MTX2: variants seen among roughly 807,000 people sequenced by gnomAD.
MTX2 encodes the protein metaxin 2, also known as metaxin-2.
A neutral mutation model predicts 42.3 loss-of-function variants in MTX2; 35 were observed. That is an observed-to-expected ratio of 0.83 (90% CI 0.63 to 1.10). The LOEUF is 1.10. MTX2 is among the 50% of genes least tolerant of loss of function. The probability of loss-of-function intolerance (pLI) is 0.00; values close to 1 mark genes in which losing one functional copy is unlikely to be tolerated. For synonymous variants in MTX2, 119 were observed against 100.9 expected, an observed-to-expected ratio of 1.18 and a Z score of -1.08; for missense variants, 307 against 304.1, an observed-to-expected ratio of 1.01 and a Z score of -0.07.
intron 1 of MTX2, among the ~76,000 whole-genome samples, chr2:176,282,126 G>GGTTTTTTT (rs1693091139): frequency 3.8e-5 from 1 of 26,426 alleles, no homozygotes; most frequent in South Asian, 1.6e-3. Context: ...AGTTACAGTA[G>GGTTTTTTT]TTTTTTTTTT....
In MTX2 at chr2:176,296,130, T is replaced by G. The variant is rs1026963736; in HGVS notation, c.41-730T>G. Among the ~76,000 whole-genome samples the G allele has an allele frequency of 4.6e-5, 7 of 152,182 alleles. No homozygotes were observed. The East Asian group carries it at 1.3e-3, about 29-fold the overall frequency. ...ACTGGGAGGTTGGTAATATTCTCTTTGTAGCTGCAGTCTTCTCTGGATGAG... is the reference window on the plus strand; with the variant it reads ...ACTGGGAGGTTGGTAATATTCTCTTGGTAGCTGCAGTCTTCTCTGGATGAG... On this transcript the variant is annotated intron_variant, in intron 1 of 9. Coordinates refer to ENST00000249442, the MANE Select transcript of MTX2 (RefSeq NM_006554.5).
chr2:176,328,176 AT>A, intron 5 of MTX2, 116 bp from the exon 6 acceptor site: 1 of 509,744 alleles, frequency 2.0e-6, no homozygotes. Context: ...TTTAGGGGGC[AT>A]TTTGGACGTT....
At chr2:176,337,168 T>C (rs1056996390) in intron 9 of MTX2, among the ~76,000 whole-genome samples, 1 of 151,898 alleles carries the variant, frequency 6.6e-6, no homozygotes, top group Non-Finnish European at 1.5e-5. Context: ...CAGCCTCCCG[T>C]GTAGCTAGGA....
chr2:176,317,292 A>G (rs1372531030), intron 3 of MTX2, among the ~76,000 whole-genome samples: 1 of 151,648 alleles, frequency 6.6e-6, no homozygotes, highest in Non-Finnish European at 1.5e-5. Flanking sequence ...TAAGATAGTG[A>G]TACTTGTACA....
At chr2:176,310,712 G>A (rs990067613) in intron 3 of MTX2, among the ~76,000 whole-genome samples, 13 of 152,002 alleles carry the variant, frequency 8.6e-5, no homozygotes, top group South Asian at 2.1e-4. Flanking sequence ...TTGTGCATGC[G>A]TCACGAAGTT....
At chr2:176,317,265 G>A (rs1684471058) in intron 3 of MTX2, among the ~76,000 whole-genome samples, 4 of 150,634 alleles carry the variant, frequency 2.7e-5, no homozygotes, top group Admixed American at 2.0e-4. Context: ...CCTGATCTCT[G>A]TTCTTTTTTC....
chr2:176,298,346 A>G (rs1683941064), intron 3 of MTX2, among the ~76,000 whole-genome samples: 1 of 152,056 alleles, frequency 6.6e-6, no homozygotes, highest in African/African-American at 2.4e-5. Flanking sequence ...GTAATCCTGT[A>G]GCAATGTTCT....
chr2:176,289,361 T>TA (rs918735344), intron 1 of MTX2, among the ~76,000 whole-genome samples: 19 of 151,864 alleles, frequency 1.3e-4, no homozygotes, highest in African/African-American at 3.6e-4. Flanking sequence ...TTCATTTGCA[T>TA]AAAAAAAACT....
intron 9 of MTX2, among the ~76,000 whole-genome samples, chr2:176,331,164 A>G (rs1449248890): frequency 6.6e-6 from 1 of 151,244 alleles, no homozygotes; most frequent in South Asian, 2.1e-4. Flanking sequence ...ACAGAAATTA[A>G]TATAAAGGAT....
chr2:176,327,560 AAT>A (rs550059324), intron 5 of MTX2, among the ~76,000 whole-genome samples: 2 of 144,354 alleles, frequency 1.4e-5, no homozygotes, highest in Non-Finnish European at 1.5e-5. Context: ...ATATCTCCAA[AAT>A]ATATATATAT....
At chr2:176,295,398 A>T (rs564525302) in intron 1 of MTX2, among the ~76,000 whole-genome samples, 1 of 152,204 alleles carries the variant, frequency 6.6e-6, no homozygotes, top group African/African-American at 2.4e-5. Context: ...GTTTCCTTTT[A>T]TTTAAAAAAC....
rs1347982287 is a variant in MTX2, at chr2:176,297,784, C to A, written c.89-65C>A. Reference sequence around the variant, plus strand: ...CGATACCTTTGAATAAATAGAAATACTTTTTAAAAATAAAAATACTATATT... The same window carrying A: ...CGATACCTTTGAATAAATAGAAATAATTTTTAAAAATAAAAATACTATATT... On this transcript the variant is annotated intron_variant, in intron 2 of 9. Coordinates refer to ENST00000249442, the MANE Select transcript of MTX2 (RefSeq NM_006554.5). 8.9e-6 allele frequency: 10 copies of A among 1,122,756 alleles called. No individual in the cohort carries two copies. In the African/African-American group the frequency reaches 1.1e-4, roughly 13 times the overall value. The allele number at this position is 1,122,756 out of a possible 1,614,324, so 69.5% of individuals were successfully genotyped here.
chr2:176,295,422 A>G (rs1683837193), intron 1 of MTX2, among the ~76,000 whole-genome samples: 1 of 152,136 alleles, frequency 6.6e-6, no homozygotes, highest in Admixed American at 6.6e-5. Context: ...TATACAAGTT[A>G]ATTGGGTTCT....
intron 3 of MTX2, among the ~76,000 whole-genome samples, chr2:176,302,476 G>A (rs778535183): frequency 4.0e-5 from 6 of 151,842 alleles, no homozygotes; most frequent in Non-Finnish European, 8.8e-5. Flanking sequence ...TAGCTCTGTC[G>A]CCCAGGCTGG....
At chr2:176,297,810 C>G in intron 2 of MTX2, 39 bp from the exon 3 acceptor site, 1 of 1,397,056 alleles carries the variant, frequency 7.2e-7, no homozygotes, top group Non-Finnish European at 9.8e-7. Context: ...ATACTATATT[C>G]TACTTGGTTA....
chr2:176,269,573 G>T lies in MTX2; in HGVS notation c.-57G>T. 3 of 1,534,454 alleles carry T rather than the reference G, an allele frequency of 2.0e-6. No individual in the cohort carries two copies. Among genetic ancestry groups the T allele is most frequent in the Non-Finnish European group, 2.6e-6 (3 of 1,143,208 alleles). On this transcript the variant is annotated 5_prime_UTR_variant, in exon 1 of 10. Coordinates refer to ENST00000249442, the MANE Select transcript of MTX2 (RefSeq NM_006554.5). ...TGCCGAGAGCCTCCGGGTTTGCGGT[G>T]GAGGACGCTGAGGCCCGTGGGGGGC...
intron 1 of MTX2, among the ~76,000 whole-genome samples, chr2:176,295,676 A>G (rs961399461): frequency 1.3e-5 from 2 of 152,172 alleles, no homozygotes; most frequent in Non-Finnish European, 2.9e-5. Context: ...TATTGTAATA[A>G]TACTGTGTTT....
chr2:176,302,099 A>G (rs965626537), intron 3 of MTX2, among the ~76,000 whole-genome samples: 4 of 150,502 alleles, frequency 2.7e-5, no homozygotes, highest in African/African-American at 4.9e-5. Flanking sequence ...CGCTTCATGT[A>G]TGTGAAGCCA....
chr2:176,305,259 C>T (rs1371407789), intron 3 of MTX2, among the ~76,000 whole-genome samples: 1 of 151,926 alleles, frequency 6.6e-6, no homozygotes, highest in Admixed American at 6.6e-5. Flanking sequence ...CTAGTTCATC[C>T]TAAGAATTTT....
Sources: gnomAD v4.1 joint callset for allele counts (sites outside exome capture counted in the v4.1 genomes callset) on GRCh38, gnomAD v4.1.1 for gene constraint, MANE v1.5 for transcripts, NCBI Gene and HGNC (gene_info 2026-07-23, HGNC 2026-07-21) for gene names.